Variants in ROBO1 observed in about 807,000 individuals in gnomAD.
ROBO1 encodes roundabout homolog 1.
Under a neutral mutation model 195.9 loss-of-function variants are expected in ROBO1, and 149 were observed. The observed-to-expected ratio is 0.76, with a 90% CI of 0.67 to 0.87. ROBO1 has a LOEUF of 0.87. ROBO1 is among the 40% of genes least tolerant of loss of function. The pLI is 0.00. For missense variants in ROBO1, 1,933 were observed against 2,068.3 expected (o/e 0.93, Z 1.27); for synonymous variants, 816 against 733.2 (o/e 1.11, Z -1.82).
intron 4 of ROBO1, among the ~76,000 whole-genome samples, chr3:78,849,722 T>G (rs1212058387): frequency 6.6e-6 from 1 of 151,776 alleles, no homozygotes; most frequent in African/African-American, 2.4e-5. Context: ...GTTCTCGGAG[T>G]AACATCTAAC....
At chr3:79,656,302 A>G (rs1184033355) in intron 1 of ROBO1, among the ~76,000 whole-genome samples, 3 of 151,796 alleles carry the variant, frequency 2.0e-5, no homozygotes, top group African/African-American at 7.2e-5. Context: ...GTTTTTTGAG[A>G]TAATAATAAT....
At chr3:79,343,449 C>T (rs535422629) in intron 2 of ROBO1, among the ~76,000 whole-genome samples, 51 of 152,008 alleles carry the variant, frequency 3.4e-4, no homozygotes, top group Admixed American at 5.2e-4. Context: ...CCACCAGCAA[C>T]GAAGGATAAT....
intron 2 of ROBO1, among the ~76,000 whole-genome samples, chr3:79,243,144 C>T (rs2082554191): frequency 6.6e-6 from 1 of 151,878 alleles, no homozygotes; most frequent in African/African-American, 2.4e-5. Context: ...TCATCCATGT[C>T]CCTACAAAGG....
chr3:78,685,794 T>A lies in ROBO1; in HGVS notation c.1294A>T (p.Asn432Tyr). 1 of 1,612,448 alleles carries A rather than the reference T, an allele frequency of 6.2e-7. No individual in the cohort carries two copies. Among genetic ancestry groups the A allele is most frequent in the East Asian group, 2.2e-5 (1 of 44,828 alleles). ...DVGYYICQTL[N>Y]VAGSIITKAY... ...TTTGTGATGATGCTTCCAGCAACATTTAAAGTCTGGCAGATGTAATAACCA... is the reference window on the plus strand; with the variant it reads ...TTTGTGATGATGCTTCCAGCAACATATAAAGTCTGGCAGATGTAATAACCA... Residue 432 changes from asparagine (N) to tyrosine (Y), a missense_variant, in exon 10 of 31, where the codon AAT becomes TAT. By Grantham distance (143) the Asn-to-Tyr change is moderately radical. Around this residue, in one of 3 missense-constraint regions of ROBO1, gnomAD observed 1,737 missense variants for 1,882.5 expected, o/e 0.92. Transcript: ENST00000464233.
intron 2 of ROBO1, among the ~76,000 whole-genome samples, chr3:79,149,885 G>A (rs929388160): frequency 2.6e-5 from 4 of 151,748 alleles, no homozygotes; most frequent in Non-Finnish European, 5.9e-5. Context: ...CTTGTTAAGA[G>A]GAACAGAATG....
At chr3:79,284,101 C>T (rs781360583) in intron 2 of ROBO1, among the ~76,000 whole-genome samples, 2 of 151,728 alleles carry the variant, frequency 1.3e-5, no homozygotes, top group Non-Finnish European at 2.9e-5. Context: ...TGTATATATA[C>T]ATGCATATAT....
rs549092598 is a variant in ROBO1 at position 79,755,032 on chromosome 3, C to T, written c.-51+12720G>A. ...AGTAGCTGGGATTACAGGTATGCAC[C>T]ACCATGCCCGGCTAATTTTGTATTT... is the stretch of plus-strand genomic sequence containing the variant. On this transcript the variant is annotated intron_variant, in intron 1 of 30. Transcript: ENST00000464233. 2.0e-5 allele frequency among the ~76,000 whole-genome samples: 3 copies of T among 152,056 alleles called. No individual in the cohort carries two copies. In the East Asian group the frequency reaches 5.8e-4, roughly 30 times the overall value.
intron 2 of ROBO1, among the ~76,000 whole-genome samples, chr3:79,146,855 T>C (rs1225600456): frequency 6.6e-6 from 1 of 151,968 alleles, no homozygotes; most frequent in Non-Finnish European, 1.5e-5. Flanking sequence ...TGGCCAGTTT[T>C]CTTGAATGTA....
intron 2 of ROBO1, among the ~76,000 whole-genome samples, chr3:79,486,667 G>A (rs1379225305): frequency 2.6e-5 from 4 of 152,214 alleles, no homozygotes; most frequent in South Asian, 2.1e-4. Context: ...GGTAGGGTTC[G>A]GGGCATACCT....
chr3:79,022,951 C>A (rs770698173), intron 3 of ROBO1, among the ~76,000 whole-genome samples: 1 of 152,080 alleles, frequency 6.6e-6, no homozygotes. Flanking sequence ...ATGGAGGTAG[C>A]CACAGGAACT....
At chr3:79,763,078 C>G (rs757621622) in intron 1 of ROBO1, among the ~76,000 whole-genome samples, 2 of 151,998 alleles carry the variant, frequency 1.3e-5, no homozygotes, top group Non-Finnish European at 2.9e-5. Flanking sequence ...TCCTTTAGGA[C>G]AGTTTCCTTT....
intron 12 of ROBO1, 84 bp downstream of exon 12, chr3:78,668,400 A>G (rs1347467644): frequency 4.4e-6 from 7 of 1,579,968 alleles, no homozygotes; most frequent in African/African-American, 1.3e-5. Flanking sequence ...CTCAGGGAAG[A>G]GGACATTTAC....
chr3:78,740,779 A>G (rs1249909557), intron 5 of ROBO1, among the ~76,000 whole-genome samples: 1 of 152,082 alleles, frequency 6.6e-6, no homozygotes, highest in African/African-American at 2.4e-5. Flanking sequence ...GGCAAAAGGA[A>G]CTTTTTTCAA....
chr3:78,880,980 C>A (rs920040417), intron 4 of ROBO1, among the ~76,000 whole-genome samples: 6 of 152,144 alleles, frequency 3.9e-5, no homozygotes, highest in African/African-American at 1.4e-4. Context: ...AGTGGTCAGA[C>A]CCTGATAGTT....
intron 4 of ROBO1, among the ~76,000 whole-genome samples, chr3:78,910,951 A>G (rs1350367183): frequency 1.3e-5 from 2 of 151,992 alleles, no homozygotes; most frequent in African/African-American, 4.8e-5. Context: ...AAGATCTGGG[A>G]GTGAGGCCTA....
rs189382832 is a variant in ROBO1, at chr3:78,868,567, A to C, written c.499+70034T>G. 4.2e-3 allele frequency among the ~76,000 whole-genome samples: 640 copies of C among 152,344 alleles called. 5 individuals carry two copies. Among genetic ancestry groups the C allele is most frequent in the Non-Finnish European group, 6.5e-3 (442 of 68,030 alleles). On this transcript the variant is annotated intron_variant, in intron 4 of 30. Transcript: ENST00000464233. Reference sequence around the variant, plus strand: ...TCTGGTATTAGAGATCACACACTTTAATCCATAACTTAAGGCACTAGCCAA... The same window carrying C: ...TCTGGTATTAGAGATCACACACTTTCATCCATAACTTAAGGCACTAGCCAA...
intron 2 of ROBO1, among the ~76,000 whole-genome samples, chr3:79,327,754 C>A (rs1390046784): frequency 1.3e-5 from 2 of 152,010 alleles, no homozygotes; most frequent in African/African-American, 2.4e-5. Flanking sequence ...ATTCTCTAGT[C>A]CTCATCAATC....
chr3:78,668,544 T>A lies in ROBO1; in HGVS notation c.1570A>T (p.Thr524Ser). The change falls in exon 12 of 31, where the codon ACC becomes TCC. Residue 524 changes from threonine to serine, a missense_variant. By Grantham distance (58) the Thr-to-Ser change is moderately conservative. Around this residue, in one of 3 missense-constraint regions of ROBO1, gnomAD observed 1,737 missense variants for 1,882.5 expected, o/e 0.92. Coordinates refer to ENST00000464233, the MANE Select transcript of ROBO1 (RefSeq NM_002941.4). ...CCACTGGGGGTTGATGCAATGCAGG[T>A]GTACCGACCAGTATCACCCAGCTGA... Reference protein sequence around the residue: ...YAKLGDTGRYTCIASTPSGEA... With the variant: ...YAKLGDTGRYSCIASTPSGEA... The A allele has an allele frequency of 6.2e-7, 1 of 1,613,792 alleles. No individual in the cohort carries two copies. Among genetic ancestry groups the A allele is most frequent in the Non-Finnish European group, 8.5e-7 (1 of 1,179,804 alleles).
At chr3:78,803,240 C>T (rs768924057) in intron 4 of ROBO1, among the ~76,000 whole-genome samples, 32 of 152,168 alleles carry the variant, frequency 2.1e-4, no homozygotes, top group Non-Finnish European at 3.2e-4. Context: ...TTCTCTTCCT[C>T]ATAGGGTTGC....
Sources: gnomAD v4.1 joint callset for allele counts (sites outside exome capture counted in the v4.1 genomes callset) on GRCh38, gnomAD v4.1.1 for gene constraint, gnomAD v4.1.1 regional missense constraint, MANE v1.5 for transcripts, NCBI Gene and HGNC (gene_info 2026-07-23, HGNC 2026-07-21) for gene names.